The following PARP8 variants were observed in gnomAD, a reference collection of about 807,000 sequenced individuals.
PARP8 encodes protein mono-ADP-ribosyltransferase PARP8.
In PARP8, 51 loss-of-function variants were observed where a neutral mutation model predicts 124.1. That is an observed-to-expected ratio of 0.41 (90% CI 0.33 to 0.52). The LOEUF (loss-of-function observed/expected upper bound fraction) is 0.52, where lower values mean the gene tolerates loss of function less well. Ranked by LOEUF, PARP8 falls within the 20% of genes least tolerant of loss-of-function variation. The pLI is 0.21. For synonymous variants in PARP8, 391 were observed against 361.5 expected, an observed-to-expected ratio of 1.08 and a Z score of -0.93; for missense variants, 860 against 1,018.9, an observed-to-expected ratio of 0.84 and a Z score of 2.12.
chr5:50,756,825 G>A (rs960398711), intron 3 of PARP8, among the ~76,000 whole-genome samples: 38 of 151,986 alleles, frequency 2.5e-4, no homozygotes, highest in African/African-American at 8.7e-4. Context: ...CTAACATCTT[G>A]CTGTGTCCCC....
At chr5:50,834,177 G>A in intron 24 of PARP8, 129 bp downstream of exon 24, 2 of 732,544 alleles carry the variant, frequency 2.7e-6, no homozygotes, top group Non-Finnish European at 4.3e-6. Flanking sequence ...CATCTCAAAG[G>A]GCACAAATGC....
At chr5:50,809,787 A>G (rs1744237584) in intron 14 of PARP8, among the ~76,000 whole-genome samples, 1 of 151,888 alleles carries the variant, frequency 6.6e-6, no homozygotes, top group African/African-American at 2.4e-5. Context: ...AAAACCACTC[A>G]TCTACACCAT....
At chr5:50,760,648 C>G (rs1191176697) in intron 5 of PARP8, among the ~76,000 whole-genome samples, 9 of 151,982 alleles carry the variant, frequency 5.9e-5, no homozygotes, top group Non-Finnish European at 1.3e-4. Context: ...CTGTAATTAG[C>G]TGAGGAACAT....
intron 9 of PARP8, among the ~76,000 whole-genome samples, chr5:50,779,464 G>C (rs1226034914): frequency 6.6e-6 from 1 of 152,156 alleles, no homozygotes; most frequent in East Asian, 1.9e-4. Context: ...AGTTGATGCA[G>C]GTGTCATCTA....
intron 24 of PARP8, 139 bp downstream of exon 24, chr5:50,834,187 C>A: frequency 9.2e-6 from 6 of 654,636 alleles, no homozygotes; most frequent in Middle Eastern, 4.6e-4. Context: ...GGCACAAATG[C>A]AAAAACGGGT....
At chr5:50,708,141 T>G (rs1212767882) in intron 2 of PARP8, among the ~76,000 whole-genome samples, 1 of 152,146 alleles carries the variant, frequency 6.6e-6, no homozygotes, top group Non-Finnish European at 1.5e-5. Context: ...TTTAAGAACA[T>G]TAGTCATGGT....
At chr5:50,700,041 TA>T (rs1753429846) in intron 2 of PARP8, among the ~76,000 whole-genome samples, 1 of 152,180 alleles carries the variant, frequency 6.6e-6, no homozygotes, top group Non-Finnish European at 1.5e-5. Context: ...CATCCATTTT[TA>T]AAAGTCCAAA....
intron 7 of PARP8, among the ~76,000 whole-genome samples, chr5:50,770,778 A>T (rs1374437407): frequency 3.3e-5 from 5 of 152,156 alleles, no homozygotes; most frequent in Non-Finnish European, 7.3e-5. Context: ...GACTGTATGT[A>T]GCCTGAAAAT....
intron 10 of PARP8, among the ~76,000 whole-genome samples, chr5:50,790,348 T>G (rs1741805083): frequency 6.6e-6 from 1 of 152,156 alleles, no homozygotes; most frequent in South Asian, 2.1e-4. Flanking sequence ...TGATTGGATT[T>G]TGTTTCCTGC....
chr5:50,773,019 ATTAT>A (rs924261986), intron 7 of PARP8, among the ~76,000 whole-genome samples: 45 of 152,116 alleles, frequency 3.0e-4, no homozygotes, highest in African/African-American at 9.4e-4. Context: ...TTAAAGTCAG[ATTAT>A]TTGTTTGTTT....
chr5:50,674,864 C>T (rs1242065376), intron 2 of PARP8, among the ~76,000 whole-genome samples: 2 of 152,072 alleles, frequency 1.3e-5, no homozygotes, highest in Non-Finnish European at 2.9e-5. Flanking sequence ...GAATACATAA[C>T]GTTTTACGCA....
intron 14 of PARP8, among the ~76,000 whole-genome samples, chr5:50,809,820 C>G (rs1287260769): frequency 6.7e-6 from 1 of 150,348 alleles, no homozygotes; most frequent in Non-Finnish European, 1.5e-5. Flanking sequence ...ACAAAAAGAC[C>G]ATGGCAAAAA....
chr5:50,830,995 C>T (rs1325926692), intron 22 of PARP8, among the ~76,000 whole-genome samples: 1 of 152,024 alleles, frequency 6.6e-6, no homozygotes, highest in East Asian at 1.9e-4. Flanking sequence ...AATTTATTTA[C>T]CAAAGTTCAT....
At chr5:50,766,378 A>G (rs888612645) in intron 7 of PARP8, among the ~76,000 whole-genome samples, 1 of 152,176 alleles carries the variant, frequency 6.6e-6, no homozygotes, top group Non-Finnish European at 1.5e-5. Flanking sequence ...TTGTAAATGT[A>G]CCTCCCTATA....
Position 50,752,313 on chromosome 5 carries a change from C to T in PARP8, c.184+2125C>T, listed in dbSNP as rs191758584. Among the ~76,000 whole-genome samples, 10 of 152,094 alleles carry T rather than the reference C, an allele frequency of 6.6e-5. No homozygotes were observed. In the East Asian group the frequency reaches 1.9e-3, roughly 29 times the overall value. On this transcript the variant is annotated intron_variant, in intron 3 of 25. Coordinates refer to ENST00000281631, the MANE Select transcript of PARP8 (RefSeq NM_024615.4). ...ACCTTAAGTTGCTGAATGAATTAAACAACTCTTTGAGCATTTGCTAGAACT... is the reference window on the plus strand; with the variant it reads ...ACCTTAAGTTGCTGAATGAATTAAATAACTCTTTGAGCATTTGCTAGAACT...
chr5:50,802,129 T>C (rs1743294629), intron 14 of PARP8, among the ~76,000 whole-genome samples: 1 of 152,202 alleles, frequency 6.6e-6, no homozygotes, highest in Non-Finnish European at 1.5e-5. Flanking sequence ...ATTTTCTATT[T>C]GTATTATGTC....
At chr5:50,668,289 G>A in intron 2 of PARP8, 164 bp downstream of exon 2, 1 of 650,328 alleles carries the variant, frequency 1.5e-6, no homozygotes, top group Non-Finnish European at 2.7e-6. Flanking sequence ...TTAAATAGCA[G>A]GAGGAGGGGA....
intron 2 of PARP8, among the ~76,000 whole-genome samples, chr5:50,728,541 T>G (rs2149514711): frequency 6.6e-6 from 1 of 152,188 alleles, no homozygotes; most frequent in East Asian, 1.9e-4. Flanking sequence ...ACGTTTAAAT[T>G]AAGGTCCCAT....
intron 6 of PARP8, among the ~76,000 whole-genome samples, chr5:50,762,894 T>A (rs1195728136): frequency 1.3e-5 from 2 of 152,240 alleles, no homozygotes; most frequent in Non-Finnish European, 2.9e-5. Flanking sequence ...GTTTTTTAGA[T>A]TATCTGCCAG....
Sources: allele counts gnomAD v4.1 joint callset (sites outside exome capture counted in the v4.1 genomes callset), GRCh38; gene constraint gnomAD v4.1.1; transcripts MANE v1.5; gene names NCBI Gene and HGNC (gene_info 2026-07-23, HGNC 2026-07-21).